Variants in VPS13B observed in about 807,000 individuals in gnomAD.
The protein encoded by VPS13B is vacuolar protein sorting 13 homolog B.
In VPS13B, 285 loss-of-function variants were observed where a neutral mutation model predicts 426.4. The observed-to-expected ratio is 0.67, with a 90% CI of 0.61 to 0.74. VPS13B has a LOEUF of 0.74. VPS13B is among the 30% of genes least tolerant of loss of function. VPS13B has a pLI of 0.00. For synonymous variants in VPS13B, 1,676 were observed against 1,676.4 expected (o/e 1.00, Z 0.01); for missense variants, 4,537 against 4,782.6 (o/e 0.95, Z 1.51).
intron 8 of VPS13B, among the ~76,000 whole-genome samples, chr8:99,131,450 A>G (rs949436846): frequency 6.6e-6 from 1 of 152,214 alleles, no homozygotes; most frequent in Non-Finnish European, 1.5e-5. Context: ...TTTTGTTAAT[A>G]TCTAGATTAG....
intron 17 of VPS13B, among the ~76,000 whole-genome samples, chr8:99,195,061 G>T (rs556820949): frequency 1.1e-3 from 162 of 152,148 alleles, no homozygotes; most frequent in African/African-American, 3.7e-3. Flanking sequence ...TGACTAGGAT[G>T]GTCTCTATCT....
chr8:99,633,445 A>G (rs914868405), intron 33 of VPS13B, among the ~76,000 whole-genome samples: 13 of 152,054 alleles, frequency 8.5e-5, no homozygotes, highest in Non-Finnish European at 1.6e-4. Context: ...AGAGTGGCTG[A>G]TGTGATACAG....
intron 35 of VPS13B, among the ~76,000 whole-genome samples, chr8:99,692,054 T>A (rs892852449): frequency 6.8e-6 from 1 of 147,026 alleles, no homozygotes; most frequent in Admixed American, 6.8e-5. Flanking sequence ...AAGTCCTGAG[T>A]GACCTACAAA....
intron 19 of VPS13B, among the ~76,000 whole-genome samples, chr8:99,339,210 TG>T (rs1442643455): frequency 6.6e-6 from 1 of 152,224 alleles, no homozygotes; most frequent in Non-Finnish European, 1.5e-5. Context: ...GAAGAGTTTT[TG>T]TATTAGGTCG....
chr8:99,646,920 A>G (rs1045601521), intron 34 of VPS13B, among the ~76,000 whole-genome samples: 3 of 152,142 alleles, frequency 2.0e-5, no homozygotes, highest in Non-Finnish European at 2.9e-5. Flanking sequence ...ATGTTAGTGC[A>G]GTGTACCGCC....
intron 16 of VPS13B, among the ~76,000 whole-genome samples, chr8:99,173,840 A>G (rs1290864510): frequency 5.3e-5 from 8 of 152,244 alleles, no homozygotes; most frequent in Admixed American, 5.2e-4. Flanking sequence ...ACAGTTAATT[A>G]ATATCAGTGC....
intron 17 of VPS13B, among the ~76,000 whole-genome samples, chr8:99,267,836 A>T (rs963515850): frequency 6.6e-6 from 1 of 152,190 alleles, no homozygotes; most frequent in African/African-American, 2.4e-5. Context: ...CACCAAGACA[A>T]TGGGGAAAAT....
chr8:99,272,619 C>T (rs1241869600), intron 17 of VPS13B, among the ~76,000 whole-genome samples: 2 of 152,096 alleles, frequency 1.3e-5, no homozygotes, highest in Non-Finnish European at 2.9e-5. Context: ...TTCTCACCTA[C>T]CCTTAAGGAT....
rs2132556658 is a variant in VPS13B, at chr8:99,135,650, CT to C, written c.1482del (p.Thr495GlnfsTer33). On this transcript the variant is annotated frameshift_variant, in exon 11 of 62. Transcript: ENST00000357162. LOFTEE classifies it high-confidence loss of function. ...TTTGAGTACGAAAGGTTTCACATACCTTACAAATTCATTGTTTGATTACCGA... is the reference window on the plus strand; with the variant it reads ...TTTGAGTACGAAAGGTTTCACATACCTACAAATTCATTGTTTGATTACCGA... ...DNLSTKGFTY[L>X]TNSLFDYRSP... 1.2e-6 allele frequency: 2 copies of C among 1,613,312 alleles called. No individual in the cohort carries two copies. The highest frequency in any genetic ancestry group is 1.7e-6 in the Non-Finnish European group (2 of 1,179,502).
At chr8:99,451,333 T>C (rs1390330482) in intron 23 of VPS13B, among the ~76,000 whole-genome samples, 1 of 152,194 alleles carries the variant, frequency 6.6e-6, no homozygotes, top group Non-Finnish European at 1.5e-5. Context: ...CCCTTATTTG[T>C]CCCATTCATT....
At chr8:99,083,530 G>A (rs1407385389) in intron 3 of VPS13B, among the ~76,000 whole-genome samples, 4 of 148,500 alleles carry the variant, frequency 2.7e-5, no homozygotes, top group Non-Finnish European at 4.5e-5. Flanking sequence ...TCCCTGTCTT[G>A]TGCCAGTTTT....
At chr8:99,345,890 A>G (rs1156982365) in intron 19 of VPS13B, among the ~76,000 whole-genome samples, 1 of 152,214 alleles carries the variant, frequency 6.6e-6, no homozygotes, top group Non-Finnish European at 1.5e-5. Context: ...AGGCGAGGGC[A>G]GGGAGAAGTG....
chr8:99,111,127 A>G lies in VPS13B; in HGVS notation c.610A>G (p.Asn204Asp), dbSNP rs2132481643. 2.5e-6 allele frequency: 4 copies of G among 1,604,870 alleles called. No individual in the cohort carries two copies. Among genetic ancestry groups the G allele is most frequent in the Non-Finnish European group, 1.7e-6 (2 of 1,175,388 alleles). The change falls in exon 6 of 62, where the codon AAT becomes GAT. Residue 204 changes from asparagine (N) to aspartate (D), a missense_variant. Coordinates refer to ENST00000357162, the MANE Select transcript of VPS13B (RefSeq NM_152564.5). ...ATDLVLRKVI[N>D]FSDCTVCLDK... ...TGATTTGGTGCTGAGAAAGGTTATC[A>G]ATTTTTCTGACTGTACAGTTTGTCT...
intron 19 of VPS13B, among the ~76,000 whole-genome samples, chr8:99,279,833 G>A (rs922414411): frequency 3.9e-5 from 6 of 151,998 alleles, no homozygotes; most frequent in Non-Finnish European, 7.4e-5. Context: ...GCAGTGGCGC[G>A]ATCTTGGCTC....
At chr8:99,455,393 G>C (rs575051554) in intron 23 of VPS13B, among the ~76,000 whole-genome samples, 39 of 152,088 alleles carry the variant, frequency 2.6e-4, no homozygotes, top group Non-Finnish European at 4.9e-4. Context: ...GAGGCCTCAG[G>C]AAACTTACAA....
At chr8:99,376,086 G>T (rs548307120) in intron 19 of VPS13B, among the ~76,000 whole-genome samples, 1 of 152,180 alleles carries the variant, frequency 6.6e-6, no homozygotes. Flanking sequence ...ATGGGTGAAG[G>T]CTGAGAAGAA....
Position 99,142,971 on chromosome 8 carries a change from T to A in VPS13B, c.1652-3T>A. On this transcript the variant is annotated splice_polypyrimidine_tract_variant and splice_region_variant and intron_variant, in intron 12 of 61. Coordinates refer to ENST00000357162, the MANE Select transcript of VPS13B (RefSeq NM_152564.5). Reference sequence around the variant, plus strand: ...TTAAAATATAAAATTTGACTTCTTTTAGGTTCCACAAATCAACAAGACTTT... The same window carrying A: ...TTAAAATATAAAATTTGACTTCTTTAAGGTTCCACAAATCAACAAGACTTT... 2 of 1,612,432 alleles carry A rather than the reference T, an allele frequency of 1.2e-6. No individual in the cohort carries two copies. The highest frequency in any genetic ancestry group is 1.7e-6 in the Non-Finnish European group (2 of 1,179,262).
At chr8:99,794,555 C>G (rs1425645802) in intron 43 of VPS13B, among the ~76,000 whole-genome samples, 2 of 152,214 alleles carry the variant, frequency 1.3e-5, no homozygotes, top group Admixed American at 6.5e-5. Context: ...GTGCACATGG[C>G]TCCAGCCTCT....
rs531656042 is a variant in VPS13B at position 99,731,118 on chromosome 8, C to T, written c.7050+10071C>T. Among the ~76,000 whole-genome samples, 246 of 152,238 alleles carry T rather than the reference C, an allele frequency of 1.6e-3. 1 individual carries two copies. The highest frequency in any genetic ancestry group is 5.5e-3 in the African/African-American group (228 of 41,564). On this transcript the variant is annotated intron_variant, in intron 39 of 61. Coordinates refer to ENST00000357162, the MANE Select transcript of VPS13B (RefSeq NM_152564.5). ...GGAAGTGGCAAATCATCTGGTTTGA[C>T]TAGCACAGGTTAGACAAGTATGGGA... is the stretch of plus-strand genomic sequence containing the variant.
Sources: allele counts gnomAD v4.1 joint callset (sites outside exome capture counted in the v4.1 genomes callset), GRCh38; gene constraint gnomAD v4.1.1; transcripts MANE v1.5; gene names NCBI Gene and HGNC (gene_info 2026-07-23, HGNC 2026-07-21).